The following EYA3 variants were observed in gnomAD, a reference collection of about 807,000 sequenced individuals.
EYA3 encodes the protein EYA transcriptional coactivator and phosphatase 3, also known as protein phosphatase EYA3.
Under a neutral mutation model 80.0 loss-of-function variants are expected in EYA3, and 39 were observed. That is an observed-to-expected ratio of 0.49 (90% confidence interval 0.38 to 0.64). EYA3 has a LOEUF of 0.64. Ranked by LOEUF, EYA3 falls within the 30% of genes least tolerant of loss-of-function variation. EYA3 has a pLI of 0.00. For synonymous variants in EYA3, 206 were observed against 232.8 expected (o/e 0.88, Z 1.05); for missense variants, 523 against 676.1 (o/e 0.77, Z 2.51).
In EYA3 at chr1:27,988,367, T is replaced by G. The variant is rs1433125845; in HGVS notation, c.1540+168A>C. The stretch of plus-strand genomic sequence containing the variant: ...GCTGTGAGAACCTGAGCAAGCTATA[T>G]AACTACTAAGCCTCAATTGCATTAC... On this transcript the variant is annotated intron_variant, in intron 16 of 17. Transcript: ENST00000373871. The G allele has an allele frequency of 7.4e-6, 5 of 677,872 alleles. No individual in the cohort carries two copies. The Admixed American group carries it at 9.9e-5, about 13-fold the overall frequency. The allele number at this position is 677,872 out of a possible 1,614,324, so 42.0% of individuals were successfully genotyped here. A position where few individuals can be genotyped will look rare whatever the true frequency, so the allele number is the denominator to read the frequency against.
intron 16 of EYA3, among the ~76,000 whole-genome samples, chr1:27,979,739 C>T (rs7529792): frequency 0.34 from 51,729 of 152,034 alleles, 8,931 homozygotes; most frequent in East Asian, 0.5. Flanking sequence ...CCTTGCCCAA[C>T]AGAGTGACTT....
At chr1:28,074,426 G>A (rs1006098491) in intron 1 of EYA3, among the ~76,000 whole-genome samples, 1 of 151,894 alleles carries the variant, frequency 6.6e-6, no homozygotes, top group African/African-American at 2.4e-5. Context: ...TATTCTGTTA[G>A]GGCAAACCAA....
intron 6 of EYA3, among the ~76,000 whole-genome samples, chr1:28,028,615 C>T (rs1295009236): frequency 2.7e-5 from 4 of 147,080 alleles, no homozygotes; most frequent in African/African-American, 5.0e-5. Flanking sequence ...TAGGGTTTTG[C>T]TTTGTTGCCC....
At chr1:28,054,276 T>C (rs1236023467) in intron 2 of EYA3, among the ~76,000 whole-genome samples, 3 of 152,140 alleles carry the variant, frequency 2.0e-5, no homozygotes, top group African/African-American at 7.2e-5. Flanking sequence ...CATTCCAAAT[T>C]ATTAGAGAGG....
intron 6 of EYA3, among the ~76,000 whole-genome samples, chr1:28,033,656 TATTATTA>T (rs1643277375): frequency 7.6e-6 from 1 of 132,182 alleles, no homozygotes. Context: ...TTATTATTAT[TATTATTA>T]TTATTATTTT....
At chr1:28,051,722 C>A (rs542607127) in intron 2 of EYA3, among the ~76,000 whole-genome samples, 2 of 151,938 alleles carry the variant, frequency 1.3e-5, no homozygotes, top group South Asian at 4.2e-4. Flanking sequence ...TAGGAATAAA[C>A]CTAACAGAAG....
intron 1 of EYA3, among the ~76,000 whole-genome samples, chr1:28,079,119 T>C (rs1348876625): frequency 6.6e-6 from 1 of 152,148 alleles, no homozygotes; most frequent in East Asian, 1.9e-4. Flanking sequence ...TTAACACAAG[T>C]GAAGTGCTTT....
intron 1 of EYA3, 40 bp from the exon 2 acceptor site, chr1:28,058,134 T>A: frequency 1.3e-6 from 1 of 782,466 alleles, no homozygotes; most frequent in Non-Finnish European, 1.9e-6. Flanking sequence ...TATACACTCT[T>A]AAAGTATTAT....
At chr1:28,039,743 A>G (rs547401566) in intron 4 of EYA3, among the ~76,000 whole-genome samples, 1 of 152,362 alleles carries the variant, frequency 6.6e-6, no homozygotes, top group Admixed American at 6.5e-5. Context: ...CAAATGCTCA[A>G]GAGTAAGACA....
At chr1:28,017,043 C>T (rs1365130559) in intron 8 of EYA3, 111 bp downstream of exon 8, 2 of 863,342 alleles carry the variant, frequency 2.3e-6, no homozygotes, top group Non-Finnish European at 1.8e-6. Flanking sequence ...AAAGTCTCCA[C>T]AGCCCATACT....
rs758052574 is a variant in EYA3 at position 28,035,609 on chromosome 1, A to C, written c.296T>G (p.Leu99Arg). Reference sequence around the variant, plus strand: ...GACAGCATAGGGTTGAGTCTGCTGTAGTGTCTGGTATTGAGTCTGTCCAGG... The same window carrying C: ...GACAGCATAGGGTTGAGTCTGCTGTCGTGTCTGGTATTGAGTCTGTCCAGG... ...AYPGQTQYQT[L>R]QQTQPYAVYP... The change falls in exon 6 of 18, where the codon CTA (leucine) becomes CGA (arginine). Residue 99 changes from leucine (L) to arginine (R), a missense_variant. By Grantham distance (102) the Leu-to-Arg change is moderately radical (BLOSUM62 -2). This residue lies in a region of EYA3 where 304 missense variants were observed against 343.3 expected (regional missense o/e 0.89). Transcript: ENST00000373871. 1.4e-5 allele frequency: 23 copies of C among 1,613,902 alleles called. No individual in the cohort carries two copies.
rs1219876090 is a variant in EYA3, at chr1:27,973,820, C to T, written c.*646G>A. The T allele has an allele frequency of 6.6e-6, 1 of 152,088 alleles. No homozygotes were observed. Among genetic ancestry groups the T allele is most frequent in the East Asian group, 1.9e-4 (1 of 5,198 alleles). 9.4% of individuals were successfully genotyped at this position (152,088 alleles called of 1,614,324 possible). A position where few individuals can be genotyped will look rare whatever the true frequency, so the allele number is the denominator to read the frequency against. On this transcript the variant is annotated 3_prime_UTR_variant, in exon 18 of 18. Coordinates refer to ENST00000373871, the MANE Select transcript of EYA3 (RefSeq NM_001990.4). ...TTACTATTTTCAAGACTTTAAACAC[C>T]CCTTCTTGCTAGAAAAAGAAAGTGG...
At chr1:28,082,854 A>C (rs1359653384) in intron 1 of EYA3, among the ~76,000 whole-genome samples, 1 of 152,178 alleles carries the variant, frequency 6.6e-6, no homozygotes, top group East Asian at 1.9e-4. Flanking sequence ...TCCATAAGAT[A>C]ATTTTTCTAA....
chr1:28,087,141 A>G (rs1645684933), intron 1 of EYA3, among the ~76,000 whole-genome samples: 1 of 152,230 alleles, frequency 6.6e-6, no homozygotes, highest in South Asian at 2.1e-4. Context: ...AGTGCTAGAT[A>G]TACACTATAA....
At chr1:28,073,940 G>GT (rs1472439333) in intron 1 of EYA3, among the ~76,000 whole-genome samples, 1 of 152,222 alleles carries the variant, frequency 6.6e-6, no homozygotes, top group Middle Eastern at 3.4e-3. Flanking sequence ...ACAGACCACA[G>GT]TTTTTTTATG....
At chr1:28,001,475 G>A (rs1167698388) in intron 11 of EYA3, among the ~76,000 whole-genome samples, 3 of 143,524 alleles carry the variant, frequency 2.1e-5, no homozygotes, top group Non-Finnish European at 4.5e-5. Flanking sequence ...TTTGCCAGGC[G>A]CAGTGGCTCA....
At position 27,971,599 on chromosome 1, in the gene EYA3, CAACAACA is replaced by C. The variant is rs1366240009; in HGVS notation, c.*2860_*2866del. ...ACAGAGCGAGACTCCATCTCAACAA[CAACAACA>C]AAAAAAAAAAAAAAAAAAAAAAGAG... On this transcript the variant is annotated 3_prime_UTR_variant, in exon 18 of 18. Coordinates refer to ENST00000373871, the MANE Select transcript of EYA3 (RefSeq NM_001990.4). 2 of 73,014 alleles carry C rather than the reference CAACAACA, an allele frequency of 2.7e-5. No homozygotes were observed. Among genetic ancestry groups the C allele is most frequent in the East Asian group, 7.5e-4 (2 of 2,678 alleles). The allele number at this position is 73,014 out of a possible 1,614,324, so 4.5% of individuals were successfully genotyped here.
intron 10 of EYA3, among the ~76,000 whole-genome samples, chr1:28,007,315 A>G (rs1641355481): frequency 6.7e-6 from 1 of 149,858 alleles, no homozygotes; most frequent in Non-Finnish European, 1.5e-5. Context: ...TTCAGATATC[A>G]GCTGTATTTC....
chr1:28,019,718 T>A (rs1319147358), intron 7 of EYA3, among the ~76,000 whole-genome samples: 1 of 152,172 alleles, frequency 6.6e-6, no homozygotes, highest in Non-Finnish European at 1.5e-5. Context: ...TTTTTCTTTT[T>A]TTTGAGATGA....
Sources: gnomAD v4.1 joint callset for allele counts (sites outside exome capture counted in the v4.1 genomes callset) on GRCh38, gnomAD v4.1.1 for gene constraint, gnomAD v4.1.1 regional missense constraint, MANE v1.5 for transcripts, NCBI Gene and HGNC (gene_info 2026-07-23, HGNC 2026-07-21) for gene names.